Variants in PLCB1 observed in about 807,000 individuals in gnomAD.
PLCB1 encodes the protein phospholipase C beta 1, also known as 1-phosphatidylinositol 4,5-bisphosphate phosphodiesterase beta-1.
A neutral mutation model predicts 161.8 loss-of-function variants in PLCB1; 46 were observed. The ratio of observed to expected loss-of-function variants is 0.28; its 90% CI spans 0.22 to 0.36. The LOEUF is 0.36. Among genes scored for constraint, PLCB1 ranks in the 10% least tolerant of loss-of-function variants. The probability of loss-of-function intolerance (pLI) is 1.00; values close to 1 mark genes in which losing one functional copy is unlikely to be tolerated. For missense variants in PLCB1, 1,016 were observed against 1,472.5 expected (o/e 0.69, Z 5.07); for synonymous variants, 517 against 503.7 (o/e 1.03, Z -0.35).
chr20:8,804,594 A>G (rs1243873534), intron 31 of PLCB1, among the ~76,000 whole-genome samples: 3 of 152,220 alleles, frequency 2.0e-5, no homozygotes, highest in African/African-American at 4.8e-5. Flanking sequence ...AGATTTTTGT[A>G]CTAATTTTAA....
chr20:8,231,897 A>G (rs913150212), intron 2 of PLCB1, among the ~76,000 whole-genome samples: 2 of 152,150 alleles, frequency 1.3e-5, no homozygotes, highest in African/African-American at 4.8e-5. Context: ...TTTATTAGCT[A>G]TTTTATATAT....
chr20:8,259,201 C>A (rs1981573591), intron 2 of PLCB1, among the ~76,000 whole-genome samples: 2 of 152,112 alleles, frequency 1.3e-5, no homozygotes, highest in African/African-American at 2.4e-5. Flanking sequence ...GTAATTACAA[C>A]AAAAGCCATT....
chr20:8,521,541 A>T (rs1302217976), intron 3 of PLCB1, among the ~76,000 whole-genome samples: 1 of 152,082 alleles, frequency 6.6e-6, no homozygotes, highest in Non-Finnish European at 1.5e-5. Flanking sequence ...CAGTCTCTAT[A>T]AAAAGTAGCA....
intron 20 of PLCB1, among the ~76,000 whole-genome samples, 192 bp downstream of exon 20, chr20:8,737,384 G>A (rs1037799065): frequency 3.3e-5 from 5 of 152,138 alleles, no homozygotes; most frequent in African/African-American, 1.2e-4. Context: ...TTTCAGAATT[G>A]TATTGTAAAT....
At chr20:8,551,908 C>G (rs1985788448) in intron 3 of PLCB1, among the ~76,000 whole-genome samples, 1 of 152,154 alleles carries the variant, frequency 6.6e-6, no homozygotes, top group East Asian at 1.9e-4. Flanking sequence ...GGGTCTGCTT[C>G]AAGGAGAAAT....
At chr20:8,596,912 T>G (rs1987371666) in intron 3 of PLCB1, among the ~76,000 whole-genome samples, 1 of 152,416 alleles carries the variant, frequency 6.6e-6, no homozygotes, top group South Asian at 2.1e-4. Context: ...TTGTCTGTTG[T>G]TGGTGTATAA....
intron 31 of PLCB1, among the ~76,000 whole-genome samples, chr20:8,876,499 T>A (rs925472995): frequency 1.3e-5 from 2 of 152,140 alleles, no homozygotes; most frequent in African/African-American, 4.8e-5. Flanking sequence ...TTATGAGTAT[T>A]TTATGGGTCC....
chr20:8,468,859 A>G (rs552765354), intron 3 of PLCB1, among the ~76,000 whole-genome samples: 1 of 152,320 alleles, frequency 6.6e-6, no homozygotes, highest in African/African-American at 2.4e-5. Flanking sequence ...TGAGATGCAG[A>G]GACCTGAAGT....
intron 2 of PLCB1, among the ~76,000 whole-genome samples, chr20:8,186,847 GT>G (rs2051911783): frequency 6.6e-6 from 1 of 152,146 alleles, no homozygotes; most frequent in Non-Finnish European, 1.5e-5. Context: ...CTGGCATGAA[GT>G]TTCAGGAAAC....
At chr20:8,780,075 C>G (rs1983138012) in intron 27 of PLCB1, among the ~76,000 whole-genome samples, 3 of 152,202 alleles carry the variant, frequency 2.0e-5, no homozygotes, top group Admixed American at 2.0e-4. Flanking sequence ...ACTACAGGGT[C>G]AGGGAATCTG....
chr20:8,339,686 C>T (rs1985725748), intron 2 of PLCB1, among the ~76,000 whole-genome samples: 1 of 152,190 alleles, frequency 6.6e-6, no homozygotes, highest in Admixed American at 6.5e-5. Context: ...TTGGTTGATC[C>T]TCATCACTGA....
At position 8,211,501 on chromosome 20, in the gene PLCB1, A is replaced by G. The variant is rs1168517598; in HGVS notation, c.177+61130A>G. Among the ~76,000 whole-genome samples the G allele has an allele frequency of 2.6e-5, 4 of 152,264 alleles. No homozygotes were observed. The East Asian group carries it at 5.8e-4, about 22-fold the overall frequency. On this transcript the variant is annotated intron_variant, in intron 2 of 31. Transcript: ENST00000338037. Reference sequence around the variant, plus strand: ...AAAATGCCAGTGATGAGCATTTACAAATTTTACTGAATTTGGACTTTTAGG... The same window carrying G: ...AAAATGCCAGTGATGAGCATTTACAGATTTTACTGAATTTGGACTTTTAGG...
intron 3 of PLCB1, among the ~76,000 whole-genome samples, chr20:8,374,499 C>G (rs1003866674): frequency 5.9e-5 from 9 of 152,190 alleles, no homozygotes; most frequent in African/African-American, 2.2e-4. Flanking sequence ...GCACACCACC[C>G]TTGGCAGCTC....
At chr20:8,605,541 A>G (rs970434518) in intron 3 of PLCB1, among the ~76,000 whole-genome samples, 2 of 150,890 alleles carry the variant, frequency 1.3e-5, no homozygotes, top group African/African-American at 4.9e-5. Flanking sequence ...CTCTTTGTCA[A>G]ATTGTTCTTC....
chr20:8,561,864 A>G (rs1411218551), intron 3 of PLCB1, among the ~76,000 whole-genome samples: 2 of 151,960 alleles, frequency 1.3e-5, no homozygotes, highest in African/African-American at 4.8e-5. Context: ...AAGAATGTTC[A>G]CTACAATCTA....
At chr20:8,547,379 A>G (rs2122979757) in intron 3 of PLCB1, among the ~76,000 whole-genome samples, 1 of 152,316 alleles carries the variant, frequency 6.6e-6, no homozygotes, top group East Asian at 1.9e-4. Context: ...ATTCCTCATA[A>G]TACCTCAAGC....
At chr20:8,778,952 A>G (rs1443268416) in intron 27 of PLCB1, among the ~76,000 whole-genome samples, 2 of 152,230 alleles carry the variant, frequency 1.3e-5, no homozygotes, top group Non-Finnish European at 2.9e-5. Flanking sequence ...AAAGGCACCC[A>G]GAAGTGTTAG....
At chr20:8,205,473 C>T (rs1978475384) in intron 2 of PLCB1, among the ~76,000 whole-genome samples, 1 of 152,018 alleles carries the variant, frequency 6.6e-6, no homozygotes, top group Non-Finnish European at 1.5e-5. Flanking sequence ...GGAAAATCTT[C>T]AGGACAATCA....
chr20:8,390,455 AT>A (rs568076306), intron 3 of PLCB1, among the ~76,000 whole-genome samples: 124 of 152,308 alleles, frequency 8.1e-4, no homozygotes, highest in Middle Eastern at 6.8e-3. Flanking sequence ...ACTTCAACAT[AT>A]AAATGTTGAG....
Sources: gnomAD v4.1 joint callset for allele counts (sites outside exome capture counted in the v4.1 genomes callset) on GRCh38, gnomAD v4.1.1 for gene constraint, MANE v1.5 for transcripts, NCBI Gene and HGNC (gene_info 2026-07-23, HGNC 2026-07-21) for gene names.